Variants in AGO3 observed in about 807,000 individuals in gnomAD.
The protein encoded by AGO3 is protein argonaute-3.
A neutral mutation model predicts 105.5 loss-of-function variants in AGO3; 16 were observed. The ratio of observed to expected loss-of-function variants is 0.15; its 90% confidence interval spans 0.10 to 0.23. The LOEUF (loss-of-function observed/expected upper bound fraction) is 0.23, where lower values mean the gene tolerates loss of function less well. Ranked by LOEUF, AGO3 falls within the 10% of genes least tolerant of loss-of-function variation. The probability of loss-of-function intolerance (pLI) is 1.00; values close to 1 mark genes in which losing one functional copy is unlikely to be tolerated. For synonymous variants in AGO3, 340 were observed against 367.3 expected (o/e 0.93, Z 0.85); for missense variants, 534 against 1,088.0 (o/e 0.49, Z 7.16).
intron 2 of AGO3, among the ~76,000 whole-genome samples, chr1:35,952,209 C>T (rs1410559556): frequency 9.1e-4 from 131 of 143,754 alleles, no homozygotes; most frequent in African/African-American, 3.1e-3. Context: ...TGCAGTGGCG[C>T]GATCGCGGCT....
At chr1:35,979,490 A>G (rs910789763) in intron 5 of AGO3, among the ~76,000 whole-genome samples, 2 of 152,174 alleles carry the variant, frequency 1.3e-5, no homozygotes, top group Non-Finnish European at 2.9e-5. Flanking sequence ...TTCATATATT[A>G]GTTTAGAGTG....
intron 13 of AGO3, among the ~76,000 whole-genome samples, 171 bp downstream of exon 13, chr1:36,034,504 A>G (rs1641919330): frequency 6.6e-6 from 1 of 152,198 alleles, no homozygotes; most frequent in South Asian, 2.1e-4. Context: ...CAAGGTTCAG[A>G]GATTCTCTTG....
intron 5 of AGO3, among the ~76,000 whole-genome samples, chr1:35,991,288 C>T (rs1243500811): frequency 6.6e-6 from 1 of 151,934 alleles, no homozygotes; most frequent in Admixed American, 6.6e-5. Flanking sequence ...AGTGAGACTC[C>T]ATCTCCAAAA....
intron 5 of AGO3, among the ~76,000 whole-genome samples, chr1:35,978,251 T>A (rs1382710914): frequency 6.6e-6 from 1 of 152,068 alleles, no homozygotes; most frequent in Non-Finnish European, 1.5e-5. Context: ...GTGTAGTGGC[T>A]CGATCTCGAC....
Position 36,027,453 on chromosome 1 carries a change from A to G in AGO3, c.1591+155A>G, listed in dbSNP as rs768839906. On this transcript the variant is annotated intron_variant, in intron 12 of 18. Coordinates refer to ENST00000373191, the MANE Select transcript of AGO3 (RefSeq NM_024852.4). The surrounding 1 kb of genome is among the most constrained non-coding windows in gnomAD (Gnocchi z 4.0). Reference sequence around the variant, plus strand: ...TTACTTGAAGACAAATTAATATAGCAAACTAAATAGTCCAAGATGAGACAT... The same window carrying G: ...TTACTTGAAGACAAATTAATATAGCGAACTAAATAGTCCAAGATGAGACAT... Among the ~76,000 whole-genome samples, 4 of 152,246 alleles carry G rather than the reference A, an allele frequency of 2.6e-5. No individual in the cohort carries two copies. The highest frequency in any genetic ancestry group is 5.9e-5 in the Non-Finnish European group (4 of 68,044).
chr1:35,965,770 G>A (rs1646761983), intron 2 of AGO3, among the ~76,000 whole-genome samples: 1 of 149,898 alleles, frequency 6.7e-6, no homozygotes, highest in Admixed American at 6.6e-5. Context: ...TATTGTTCCA[G>A]AAAATGCTGG....
intron 2 of AGO3, among the ~76,000 whole-genome samples, chr1:35,949,660 C>T (rs1416330388): frequency 2.0e-5 from 3 of 152,184 alleles, no homozygotes; most frequent in Non-Finnish European, 4.4e-5. Context: ...CAATCTGTCT[C>T]CCAGGCTCTG....
At chr1:36,005,064 CTA>C (rs1354014700) in intron 6 of AGO3, among the ~76,000 whole-genome samples, 1 of 151,986 alleles carries the variant, frequency 6.6e-6, no homozygotes, top group Non-Finnish European at 1.5e-5. Flanking sequence ...AAATTCATCT[CTA>C]TGTGGCTGCC....
At chr1:35,961,009 T>G (rs1646665282) in intron 2 of AGO3, among the ~76,000 whole-genome samples, 1 of 151,574 alleles carries the variant, frequency 6.6e-6, no homozygotes, top group Admixed American at 6.6e-5. Flanking sequence ...AGTGGTGCGA[T>G]CTTGGCTCAC....
intron 17 of AGO3, among the ~76,000 whole-genome samples, chr1:36,046,623 T>TTAA (rs1361595605): frequency 2.9e-5 from 1 of 34,450 alleles, no homozygotes; most frequent in African/African-American, 1.0e-4. Context: ...AGTCTCTATT[T>TTAA]AAAAAAAAAA....
Position 36,071,029 on chromosome 1 carries a change from AAAT to A in AGO3, c.*15288_*15290del, listed in dbSNP as rs1276891296. ...CTGCGTATTAAGTTTATATAGAAAA[AAAT>A]AATGTCTTTCTTTAGTGTTTGGGGG... On this transcript the variant is annotated 3_prime_UTR_variant, in exon 19 of 19. Transcript: ENST00000373191. The A allele has an allele frequency of 3.9e-5, 6 of 152,178 alleles. No individual in the cohort carries two copies. The highest frequency in any genetic ancestry group is 1.4e-4 in the African/African-American group (6 of 41,438). 9.4% of individuals were successfully genotyped at this position (152,178 alleles called of 1,614,324 possible). A position where few individuals can be genotyped will look rare whatever the true frequency, so the allele number is the denominator to read the frequency against.
chr1:36,018,483 G>A (rs1443376058), intron 11 of AGO3, among the ~76,000 whole-genome samples: 1 of 151,344 alleles, frequency 6.6e-6, no homozygotes, highest in African/African-American at 2.4e-5. Flanking sequence ...GTCTTGCTCT[G>A]TCACCAGGCT....
At chr1:35,969,296 C>A (rs577452998) in intron 3 of AGO3, among the ~76,000 whole-genome samples, 185 of 152,196 alleles carry the variant, frequency 1.2e-3, no homozygotes, top group Non-Finnish European at 2.3e-3. Flanking sequence ...CATTTTCTTA[C>A]ATTTCACAGG....
intron 12 of AGO3, 135 bp from the exon 13 acceptor site, chr1:36,034,039 T>A: frequency 1.4e-6 from 1 of 739,754 alleles, no homozygotes; most frequent in Non-Finnish European, 2.0e-6. Flanking sequence ...GCCTTAGTAC[T>A]GTATTGGCAT....
At chr1:36,030,504 CAAAAAAA>C (rs547766292) in intron 12 of AGO3, among the ~76,000 whole-genome samples, 19 of 70,476 alleles carry the variant, frequency 2.7e-4, no homozygotes, top group African/African-American at 5.7e-4. Flanking sequence ...GACCCTTTCT[CAAAAAAA>C]AAAAAAAAAG....
At chr1:35,946,437 A>G (rs1343135087) in intron 2 of AGO3, among the ~76,000 whole-genome samples, 1 of 152,184 alleles carries the variant, frequency 6.6e-6, no homozygotes, top group Non-Finnish European at 1.5e-5. Context: ...TCGGTAATAC[A>G]GGAAATATAA....
At chr1:36,015,961 A>G (rs1264996700) in intron 11 of AGO3, among the ~76,000 whole-genome samples, 2 of 152,248 alleles carry the variant, frequency 1.3e-5, no homozygotes, top group Non-Finnish European at 2.9e-5. Context: ...AGGTTCAGAG[A>G]GACTTCCAGC....
At chr1:36,001,568 C>G (rs1640087895) in intron 5 of AGO3, among the ~76,000 whole-genome samples, 1 of 152,044 alleles carries the variant, frequency 6.6e-6, no homozygotes, top group Non-Finnish European at 1.5e-5. Flanking sequence ...TTATCATGCA[C>G]CCACACTGTA....
intron 4 of AGO3, among the ~76,000 whole-genome samples, chr1:35,972,856 A>ATTTTTTT (rs1165696072): frequency 4.9e-5 from 6 of 122,888 alleles, no homozygotes; most frequent in East Asian, 5.6e-4. Context: ...TTAAAAAAAA[A>ATTTTTTT]TTTTTTTTTT....
Sources: allele counts gnomAD v4.1 joint callset (sites outside exome capture counted in the v4.1 genomes callset), GRCh38; gene constraint gnomAD v4.1.1; non-coding constraint Gnocchi (gnomAD v3.1); transcripts MANE v1.5; gene names NCBI Gene and HGNC (gene_info 2026-07-23, HGNC 2026-07-21).